DOT1L: variants seen among roughly 807,000 people sequenced by gnomAD.
DOT1L encodes histone-lysine N-methyltransferase, H3 lysine-79 specific.
In DOT1L, 33 loss-of-function variants were observed where a neutral mutation model predicts 153.3. The ratio of observed to expected loss-of-function variants is 0.22; its 90% CI spans 0.16 to 0.29. The LOEUF (loss-of-function observed/expected upper bound fraction) is 0.29, where lower values mean the gene tolerates loss of function less well. Ranked by LOEUF, DOT1L falls within the 10% of genes least tolerant of loss-of-function variation. DOT1L has a pLI of 1.00. For missense variants in DOT1L, 1,847 were observed against 2,119.9 expected (o/e 0.87, Z 2.53); for synonymous variants, 1,135 against 965.1 (o/e 1.18, Z -3.26).
chr19:2,181,756 GCCCAGCACCAGCCCCAGC>G (rs1480235327), intron 2 of DOT1L, among the ~76,000 whole-genome samples: 4 of 147,500 alleles, frequency 2.7e-5, no homozygotes, highest in South Asian at 4.3e-4. Flanking sequence ...CCCAGCCCCC[GCCCAGCACCAGCCCCAGC>G]CCCAGCCCCA....
At chr19:2,225,542 G>GC in intron 26 of DOT1L, 90 bp downstream of exon 26, 1 of 1,366,014 alleles carries the variant, frequency 7.3e-7, no homozygotes, top group Admixed American at 1.7e-5. Context: ...CTGGCCCGCT[G>GC]CATCGTGTCC....
intron 17 of DOT1L, 65 bp from the exon 18 acceptor site, chr19:2,213,784 T>C: frequency 6.2e-7 from 1 of 1,608,610 alleles, no homozygotes; most frequent in South Asian, 1.1e-5. Flanking sequence ...GGGGTGGTCA[T>C]GCCTGGGGGC....
rs1006681079 is a variant in DOT1L at position 2,220,196 on chromosome 19, G to A, written c.2780G>A (p.Ser927Asn). The change falls in exon 23 of 28, where the codon AGC becomes AAC. Residue 927 changes from serine (S) to asparagine (N), a missense_variant. Transcript: ENST00000398665. The surrounding 1 kb of genome is among the most constrained non-coding windows in gnomAD (Gnocchi z 4.5). ...QIGANAHGAGSRSLALAPAGF... is the reference protein window; with the variant it reads ...QIGANAHGAGNRSLALAPAGF... ...GGTGCTAATGCCCACGGTGCTGGGA[G>A]CAGAAGCCTTGCCCTGGCCCCCGCA... The A allele has an allele frequency of 1.9e-6, 3 of 1,613,600 alleles. 1 individual carries two copies. The African/African-American group carries it at 4.0e-5, about 22-fold the overall frequency.
intron 1 of DOT1L, among the ~76,000 whole-genome samples, chr19:2,169,088 C>T (rs531025257): frequency 7.2e-5 from 11 of 152,082 alleles, no homozygotes; most frequent in South Asian, 2.1e-4. Flanking sequence ...GCCAAGGGTC[C>T]GGACTCTCTG....
Position 2,222,030 on chromosome 19 carries a change from C to A in DOT1L, c.2861C>A (p.Ala954Asp), listed in dbSNP as rs1231850173. 3.1e-6 allele frequency: 5 copies of A among 1,612,572 alleles called. No individual in the cohort carries two copies. Among genetic ancestry groups the A allele is most frequent in the Non-Finnish European group, 4.2e-6 (5 of 1,179,734 alleles). The change falls in exon 24 of 28, where the codon GCC (alanine) becomes GAC (aspartate). Residue 954 changes from alanine to aspartate, a missense_variant. Physicochemically the swap from Ala to Asp is moderately radical, Grantham distance 126. Coordinates refer to ENST00000398665, the MANE Select transcript of DOT1L (RefSeq NM_032482.3). The surrounding 1 kb of genome is among the most constrained non-coding windows in gnomAD (Gnocchi z 6.5). ...AGCGGGGCCTTGGCGGGCAGCCCGG[C>A]CTCTCTCACACCTGGAGCCGAGCCG... ...AISGALAGSPASLTPGAEPAT... is the reference protein window; with the variant it reads ...AISGALAGSPDSLTPGAEPAT...
intron 7 of DOT1L, among the ~76,000 whole-genome samples, chr19:2,199,356 G>C (rs1003226653): frequency 5.3e-5 from 8 of 152,242 alleles, no homozygotes; most frequent in Non-Finnish European, 1.5e-5. Flanking sequence ...GGTTGGTGAG[G>C]GAGGGACAGA....
intron 5 of DOT1L, among the ~76,000 whole-genome samples, chr19:2,192,117 C>T (rs972265896): frequency 2.0e-5 from 3 of 152,188 alleles, no homozygotes; most frequent in Non-Finnish European, 4.4e-5. Context: ...CTTGTGCCTG[C>T]AGGCACGCGA....
chr19:2,166,285 G>A (rs1488712374), intron 1 of DOT1L, among the ~76,000 whole-genome samples: 1 of 149,138 alleles, frequency 6.7e-6, no homozygotes, highest in Non-Finnish European at 1.5e-5. Flanking sequence ...TAGTAGAGAC[G>A]GGGTTTCTCC....
At position 2,208,104 on chromosome 19, in the gene DOT1L, A is replaced by G. The variant is rs1322941159; in HGVS notation, c.963+424A>G. Among the ~76,000 whole-genome samples the G allele has an allele frequency of 1.3e-5, 2 of 151,920 alleles. No individual in the cohort carries two copies. Among genetic ancestry groups the G allele is most frequent in the African/African-American group, 4.8e-5 (2 of 41,332 alleles). On this transcript the variant is annotated intron_variant, in intron 11 of 27. Coordinates refer to ENST00000398665, the MANE Select transcript of DOT1L (RefSeq NM_032482.3). The surrounding 1 kb of genome is among the most constrained non-coding windows in gnomAD (Gnocchi z 4.4). ...CCAGGGTCCATGGGTGGGGTCTGGGATGCTTCTTCCCTCCCTGTGTTCCCC... is the reference window on the plus strand; with the variant it reads ...CCAGGGTCCATGGGTGGGGTCTGGGGTGCTTCTTCCCTCCCTGTGTTCCCC...
At position 2,200,920 on chromosome 19, in the gene DOT1L, C is replaced by T. The variant is rs35494680; in HGVS notation, c.707+981C>T. Among the ~76,000 whole-genome samples the T allele has an allele frequency of 1.8e-3, 271 of 147,598 alleles. 1 individual carries two copies. The highest frequency in any genetic ancestry group is 7.8e-3 in the Middle Eastern group (2 of 258). On this transcript the variant is annotated intron_variant, in intron 8 of 27. Transcript: ENST00000398665. ...CATCCTCCCCTCATTCCTCGTCCTC[C>T]CCGTATTCCTCATCCTCCCCGCATT...
chr19:2,222,059 A>T lies in DOT1L; in HGVS notation c.2890A>T (p.Thr964Ser), dbSNP rs2144902006. 6.2e-7 allele frequency: 1 copy of T among 1,613,168 alleles called. No individual in the cohort carries two copies. Among genetic ancestry groups the T allele is most frequent in the Non-Finnish European group, 8.5e-7 (1 of 1,179,856 alleles). The change falls in exon 24 of 28, where the codon ACC (threonine) becomes TCC (serine). Residue 964 changes from threonine to serine, a missense_variant. Thr to Ser is a moderately conservative substitution (Grantham distance 58, BLOSUM62 1). Transcript: ENST00000398665. This position sits in a 1 kb window ranked among gnomAD's most constrained non-coding sequence, Gnocchi z 6.5. The stretch of plus-strand genomic sequence containing the variant: ...TCTCACACCTGGAGCCGAGCCGGCC[A>T]CCTTGGATGAGTCCTCCAGCTCTGG... ...ASLTPGAEPA[T>S]LDESSSSGSL...
intron 9 of DOT1L, among the ~76,000 whole-genome samples, chr19:2,205,988 C>T (rs2023475521): frequency 6.6e-6 from 1 of 151,950 alleles, no homozygotes; most frequent in Admixed American, 6.5e-5. Context: ...GTGCGCCTGG[C>T]AGCGTAGTGG....
intron 22 of DOT1L, among the ~76,000 whole-genome samples, chr19:2,219,549 T>G (rs2024034855): frequency 6.6e-6 from 1 of 152,194 alleles, no homozygotes; most frequent in African/African-American, 2.4e-5. Flanking sequence ...TTTTGGCGAT[T>G]GTGAATCGTT....
rs1181618036 is a variant in DOT1L, at chr19:2,213,558, TGG to T, written c.1579_1580del (p.Gly527CysfsTer26). Reference sequence around the variant, plus strand: ...CTACAGGAGAAGAACGCCCAGCTCCTGGGTGCGGCTCAGCAGCTCCTCAGCCA... The same window carrying T: ...CTACAGGAGAAGAACGCCCAGCTCCTGTGCGGCTCAGCAGCTCCTCAGCCA... On this transcript the variant is annotated frameshift_variant, in exon 17 of 28. Transcript: ENST00000398665. LOFTEE classifies it high-confidence loss of function. 6.2e-7 allele frequency: 1 copy of T among 1,613,030 alleles called. No homozygotes were observed. Among genetic ancestry groups the T allele is most frequent in the Non-Finnish European group, 8.5e-7 (1 of 1,179,964 alleles).
chr19:2,216,143 G>T, intron 19 of DOT1L, 138 bp from the exon 20 acceptor site: 1 of 1,306,622 alleles, frequency 7.7e-7, no homozygotes, highest in South Asian at 1.5e-5. Context: ...CCTCTATGTG[G>T]TCGGCAGCTT....
In DOT1L at chr19:2,225,350, C is replaced by T. The variant is rs73919912; in HGVS notation, c.3597-38C>T. On this transcript the variant is annotated intron_variant, in intron 25 of 27. Transcript: ENST00000398665. ...CATTTGTGTCATTCTTAGTATGCAG[C>T]TGGGTTTCAAGCATTAATGACCTTT... is the stretch of plus-strand genomic sequence containing the variant. The T allele has an allele frequency of 9.0e-5, 143 of 1,586,126 alleles. No individual in the cohort carries two copies. In the African/African-American group the frequency reaches 1.6e-3, roughly 18 times the overall value.
rs541041522 is a variant in DOT1L at position 2,207,166 on chromosome 19, A to G, written c.856+369A>G. Among the ~76,000 whole-genome samples, 1 of 152,294 alleles carries G rather than the reference A, an allele frequency of 6.6e-6. No homozygotes were observed. Among genetic ancestry groups the G allele is most frequent in the Non-Finnish European group, 1.5e-5 (1 of 68,002 alleles). On this transcript the variant is annotated intron_variant, in intron 10 of 27. Transcript: ENST00000398665. This position sits in a 1 kb window ranked among gnomAD's most constrained non-coding sequence, Gnocchi z 4.5. ...CCCTCCCATGCCCCCTGCCTGCCTTACTGTGCTGCGTGCTCTGTCAGCTCC... is the reference window on the plus strand; with the variant it reads ...CCCTCCCATGCCCCCTGCCTGCCTTGCTGTGCTGCGTGCTCTGTCAGCTCC...
chr19:2,169,801 C>G (rs1321677998), intron 1 of DOT1L, among the ~76,000 whole-genome samples: 2 of 152,166 alleles, frequency 1.3e-5, no homozygotes, highest in African/African-American at 4.8e-5. Flanking sequence ...GCTCCAGTTC[C>G]TTTCCTTTAG....
Position 2,207,148 on chromosome 19 carries a change from A to G in DOT1L, c.856+351A>G, listed in dbSNP as rs998457055. Among the ~76,000 whole-genome samples the G allele has an allele frequency of 1.3e-5, 2 of 152,150 alleles. No homozygotes were observed. Among genetic ancestry groups the G allele is most frequent in the African/African-American group, 2.4e-5 (1 of 41,434 alleles). ...CGGTGGGAAGGAGCCGGCCCCTCCC[A>G]TGCCCCCTGCCTGCCTTACTGTGCT... is the stretch of plus-strand genomic sequence containing the variant. On this transcript the variant is annotated intron_variant, in intron 10 of 27. Transcript: ENST00000398665. The surrounding 1 kb of genome is among the most constrained non-coding windows in gnomAD (Gnocchi z 4.5).
Sources: allele counts gnomAD v4.1 joint callset (sites outside exome capture counted in the v4.1 genomes callset), GRCh38; gene constraint gnomAD v4.1.1; non-coding constraint Gnocchi (gnomAD v3.1); transcripts MANE v1.5; gene names NCBI Gene and HGNC (gene_info 2026-07-23, HGNC 2026-07-21).